The following EYS variants were observed in gnomAD, a reference collection of about 807,000 sequenced individuals.
EYS encodes the protein protein eyes shut homolog.
A neutral mutation model predicts 282.1 loss-of-function variants in EYS; 250 were observed. The ratio of observed to expected loss-of-function variants is 0.89; its 90% confidence interval spans 0.80 to 0.98. EYS has a LOEUF of 0.98. Ranked by LOEUF, EYS falls within the 50% of genes least tolerant of loss-of-function variation. The pLI is 0.00. For synonymous variants in EYS, 1,355 were observed against 1,282.9 expected, an observed-to-expected ratio of 1.06 and a Z score of -1.20; for missense variants, 4,016 against 3,709.0, an observed-to-expected ratio of 1.08 and a Z score of -2.15.
At chr6:64,138,102 T>C (rs1016101999) in intron 31 of EYS, among the ~76,000 whole-genome samples, 1 of 152,066 alleles carries the variant, frequency 6.6e-6, no homozygotes, top group African/African-American at 2.4e-5. Context: ...CGAGTGTCGA[T>C]TGGATTGACC....
At chr6:65,271,128 TTATATATATATA>T (rs70999188) in intron 12 of EYS, among the ~76,000 whole-genome samples, 7 of 55,788 alleles carry the variant, frequency 1.3e-4, no homozygotes, top group South Asian at 7.9e-4. Context: ...AATCAATAGA[TTATATATATATA>T]TATATATATA....
At chr6:64,278,243 G>A (rs531792440) in intron 30 of EYS, among the ~76,000 whole-genome samples, 15 of 152,000 alleles carry the variant, frequency 9.9e-5, no homozygotes, top group Non-Finnish European at 2.2e-4. Flanking sequence ...TTATGTAACT[G>A]CTAAATGTTC....
intron 19 of EYS, among the ~76,000 whole-genome samples, chr6:64,839,480 C>T (rs9360090): frequency 0.094 from 14,315 of 151,710 alleles, 866 homozygotes; most frequent in East Asian, 0.32. Flanking sequence ...AAAAAGTTGC[C>T]GGCAGTAAGA....
intron 12 of EYS, among the ~76,000 whole-genome samples, chr6:65,272,685 CAT>C (rs2150267428): frequency 6.6e-6 from 1 of 152,056 alleles, no homozygotes; most frequent in East Asian, 1.9e-4. Flanking sequence ...ATAATTATTA[CAT>C]ATATATAAAT....
chr6:65,630,851 GA>G (rs1186580285), intron 2 of EYS, among the ~76,000 whole-genome samples: 1 of 152,146 alleles, frequency 6.6e-6, no homozygotes, highest in Non-Finnish European at 1.5e-5. Context: ...TGTATCAATG[GA>G]AGAAAACTTA....
At chr6:64,562,396 A>G (rs187277358) in intron 26 of EYS, among the ~76,000 whole-genome samples, 4 of 152,112 alleles carry the variant, frequency 2.6e-5, no homozygotes, top group Admixed American at 6.5e-5. Context: ...ATAGAAGCTT[A>G]GAGGAAAAAT....
chr6:64,871,122 G>A (rs144581139), intron 19 of EYS, among the ~76,000 whole-genome samples: 1 of 151,792 alleles, frequency 6.6e-6, no homozygotes, highest in African/African-American at 2.4e-5. Context: ...AAGTTTCTAC[G>A]ATTTTTCTGC....
chr6:64,164,227 T>A (rs1336436382), intron 31 of EYS, among the ~76,000 whole-genome samples: 1 of 152,126 alleles, frequency 6.6e-6, no homozygotes, highest in Non-Finnish European at 1.5e-5. Flanking sequence ...CTCTAATTTA[T>A]CCCAGCACAG....
chr6:63,756,569 A>G (rs183281256), intron 41 of EYS, among the ~76,000 whole-genome samples: 228 of 152,156 alleles, frequency 1.5e-3, no homozygotes, highest in Non-Finnish European at 2.9e-3. Context: ...TTCATCAGGG[A>G]TATTGGCCTA....
intron 22 of EYS, among the ~76,000 whole-genome samples, chr6:64,706,152 C>G (rs1037152757): frequency 6.6e-6 from 1 of 151,818 alleles, no homozygotes; most frequent in Non-Finnish European, 1.5e-5. Flanking sequence ...AATAGAGAAC[C>G]CAGAAATAAA....
chr6:64,650,665 C>T (rs78374100), intron 22 of EYS, among the ~76,000 whole-genome samples: 2,367 of 152,074 alleles, frequency 0.016, 53 homozygotes, highest in East Asian at 0.11. Context: ...AAAATTTTGA[C>T]TCCTACAGTC....
At chr6:64,523,884 C>T (rs9345196) in intron 26 of EYS, among the ~76,000 whole-genome samples, 45,645 of 151,384 alleles carry the variant, frequency 0.3, 6,927 homozygotes, top group East Asian at 0.47. Context: ...AAAAGTTTAG[C>T]CAAAATACTG....
chr6:65,562,756 T>C (rs1010247963), intron 2 of EYS, among the ~76,000 whole-genome samples: 1 of 152,144 alleles, frequency 6.6e-6, no homozygotes, highest in African/African-American at 2.4e-5. Context: ...TAATTTTATT[T>C]CTATAGTCTG....
At chr6:65,596,537 T>A (rs1765408331) in intron 2 of EYS, among the ~76,000 whole-genome samples, 1 of 151,962 alleles carries the variant, frequency 6.6e-6, no homozygotes, top group African/African-American at 2.4e-5. Flanking sequence ...AATCCTGAAA[T>A]GAAAGACAGG....
intron 12 of EYS, among the ~76,000 whole-genome samples, chr6:65,122,671 A>G (rs1427212638): frequency 6.6e-6 from 1 of 152,148 alleles, no homozygotes; most frequent in Non-Finnish European, 1.5e-5. Flanking sequence ...AATGTGGAAT[A>G]ATTAAACATT....
At chr6:64,849,335 A>C (rs532304994) in intron 19 of EYS, among the ~76,000 whole-genome samples, 1 of 152,002 alleles carries the variant, frequency 6.6e-6, no homozygotes, top group Admixed American at 6.6e-5. Flanking sequence ...ATTCTACTAA[A>C]ATAAATAAAA....
chr6:64,554,989 A>G (rs1765193604), intron 26 of EYS, among the ~76,000 whole-genome samples: 1 of 152,090 alleles, frequency 6.6e-6, no homozygotes, highest in South Asian at 2.1e-4. Context: ...AAATAGCACT[A>G]CCATATGCTC....
At chr6:64,855,106 T>C (rs758944901) in intron 19 of EYS, among the ~76,000 whole-genome samples, 25 of 152,074 alleles carry the variant, frequency 1.6e-4, no homozygotes, top group Non-Finnish European at 3.5e-4. Flanking sequence ...ACGGTTTGCA[T>C]CAGTTTTACT....
At chr6:64,022,955 T>C (rs1277086327) in intron 33 of EYS, among the ~76,000 whole-genome samples, 2 of 152,226 alleles carry the variant, frequency 1.3e-5, no homozygotes, top group Admixed American at 1.3e-4. Context: ...TATTTAGAGA[T>C]TTGTCTTTAA....
Sources: gnomAD v4.1 joint callset for allele counts (sites outside exome capture counted in the v4.1 genomes callset) on GRCh38, gnomAD v4.1.1 for gene constraint, MANE v1.5 for transcripts, NCBI Gene and HGNC (gene_info 2026-07-23, HGNC 2026-07-21) for gene names.